KCNK9: variants seen among roughly 807,000 people sequenced by gnomAD.
KCNK9 encodes the protein potassium two pore domain channel subfamily K member 9, also known as potassium channel subfamily K member 9.
Under a neutral mutation model 10.8 loss-of-function variants are expected in KCNK9, and 1 was observed. The ratio of observed to expected loss-of-function variants is 0.09; its 90% CI spans 0.03 to 0.44. The LOEUF (loss-of-function observed/expected upper bound fraction) is 0.44, where lower values mean the gene tolerates loss of function less well. Among genes scored for constraint, KCNK9 ranks in the 20% least tolerant of loss-of-function variants. The pLI is 0.97. For missense variants in KCNK9, 303 were observed against 515.0 expected (o/e 0.59, Z 3.98); for synonymous variants, 231 against 222.7 (o/e 1.04, Z -0.33).
Position 139,682,064 on chromosome 8 carries a change from C to T in KCNK9, c.283+20646G>A, listed in dbSNP as rs573106711. Among the ~76,000 whole-genome samples, 5 of 152,326 alleles carry T rather than the reference C, an allele frequency of 3.3e-5. No individual in the cohort carries two copies. In the South Asian group the frequency reaches 6.2e-4, roughly 19 times the overall value. On this transcript the variant is annotated intron_variant, in intron 1 of 1. Coordinates refer to ENST00000520439, the MANE Select transcript of KCNK9 (RefSeq NM_001282534.2). ...CAGGCACCTCGGGCTGAGTGGGGAG[C>T]ACGAGGGGTGCAGGGAGAAGCCCGG...
intron 1 of KCNK9, among the ~76,000 whole-genome samples, chr8:139,632,410 G>A (rs564457653): frequency 2.8e-4 from 42 of 152,328 alleles, no homozygotes; most frequent in South Asian, 1.0e-3. Flanking sequence ...GGCCTCCCGC[G>A]TGGAAGGATG....
rs1034403668 is a variant in KCNK9, at chr8:139,702,082, G to C, written c.283+628C>G. ...TGCCACCCCCAACGCAAGCACCAGA[G>C]AGCAAACTCTCTCCTCCCAGGGGCC... On this transcript the variant is annotated intron_variant, in intron 1 of 1. Transcript: ENST00000520439. The surrounding 1 kb of genome is among the most constrained non-coding windows in gnomAD (Gnocchi z 7.5). 1.3e-5 allele frequency among the ~76,000 whole-genome samples: 2 copies of C among 152,196 alleles called. No homozygotes were observed. Among genetic ancestry groups the C allele is most frequent in the Non-Finnish European group, 2.9e-5 (2 of 68,038 alleles).
chr8:139,683,376 C>A (rs1281112879), intron 1 of KCNK9, among the ~76,000 whole-genome samples: 1 of 152,190 alleles, frequency 6.6e-6, no homozygotes, highest in Non-Finnish European at 1.5e-5. Flanking sequence ...TGCTCTCCTG[C>A]CAAAAGCATT....
At chr8:139,683,743 G>T (rs372880018) in intron 1 of KCNK9, among the ~76,000 whole-genome samples, 1 of 152,194 alleles carries the variant, frequency 6.6e-6, no homozygotes, top group Non-Finnish European at 1.5e-5. Context: ...CCACCAGAAG[G>T]TCCATTACTT....
intron 1 of KCNK9, among the ~76,000 whole-genome samples, chr8:139,651,945 T>C (rs1431873240): frequency 2.0e-5 from 3 of 152,040 alleles, no homozygotes; most frequent in Non-Finnish European, 4.4e-5. Context: ...GACTCACCCA[T>C]CACCATTTTT....
chr8:139,607,110 GT>G (rs1227077123), intron 2 of KCNK9, among the ~76,000 whole-genome samples: 2 of 152,184 alleles, frequency 1.3e-5, no homozygotes. Flanking sequence ...TTAATTGTGG[GT>G]TCTGCTTCAC....
intron 1 of KCNK9, among the ~76,000 whole-genome samples, chr8:139,640,851 C>T (rs750712153): frequency 1.1e-4 from 17 of 152,224 alleles, no homozygotes; most frequent in Non-Finnish European, 1.6e-4. Flanking sequence ...CGGTTGCAGA[C>T]GTCTTGAGCA....
chr8:139,699,314 C>T (rs896364911), intron 1 of KCNK9, among the ~76,000 whole-genome samples: 1 of 152,172 alleles, frequency 6.6e-6, no homozygotes, highest in Non-Finnish European at 1.5e-5. Context: ...CCCTTACACA[C>T]CATTTGGCCC....
Position 139,703,123 on chromosome 8 carries a change from C to A in KCNK9, c.-131G>T, listed in dbSNP as rs2129831989. 4.8e-6 allele frequency: 3 copies of A among 619,266 alleles called. No homozygotes were observed. The highest frequency in any genetic ancestry group is 6.8e-6 in the Non-Finnish European group (3 of 443,996). The allele number at this position is 619,266 out of a possible 1,614,324, so 38.4% of individuals were successfully genotyped here. A position where few individuals can be genotyped will look rare whatever the true frequency, so the allele number is the denominator to read the frequency against. On this transcript the variant is annotated 5_prime_UTR_variant, in exon 1 of 2. Coordinates refer to ENST00000520439, the MANE Select transcript of KCNK9 (RefSeq NM_001282534.2). This position sits in a 1 kb window ranked among gnomAD's most constrained non-coding sequence, Gnocchi z 6.4. Reference sequence around the variant, plus strand: ...GCCGCCGCCGCCTCCAAGTTGTAAGCGGCGGCGGCAGCAGCAGCAGCAGCA... The same window carrying A: ...GCCGCCGCCGCCTCCAAGTTGTAAGAGGCGGCGGCAGCAGCAGCAGCAGCA...
chr8:139,607,502 G>C (rs1397532643), intron 2 of KCNK9, among the ~76,000 whole-genome samples: 1 of 152,212 alleles, frequency 6.6e-6, no homozygotes, highest in African/African-American at 2.4e-5. Context: ...TGTCATCTGA[G>C]AGAAGTGGAA....
At chr8:139,688,674 G>C (rs545253443) in intron 1 of KCNK9, among the ~76,000 whole-genome samples, 1 of 152,318 alleles carries the variant, frequency 6.6e-6, no homozygotes, top group South Asian at 2.1e-4. Flanking sequence ...ACCATGGCAG[G>C]CTTCCAGCCT....
chr8:139,699,711 G>C (rs529212616), intron 1 of KCNK9, among the ~76,000 whole-genome samples: 2 of 152,350 alleles, frequency 1.3e-5, no homozygotes, highest in East Asian at 1.9e-4. Context: ...GAGAGCTGGG[G>C]TGAGACTCAG....
At chr8:139,642,910 A>G (rs1815550223) in intron 1 of KCNK9, among the ~76,000 whole-genome samples, 1 of 152,186 alleles carries the variant, frequency 6.6e-6, no homozygotes, top group Admixed American at 6.5e-5. Flanking sequence ...TGTTGGCAGA[A>G]CAAGATTGGG....
intron 2 of KCNK9, among the ~76,000 whole-genome samples, chr8:139,606,144 C>G (rs1458689123): frequency 6.6e-6 from 1 of 152,180 alleles, no homozygotes; most frequent in Non-Finnish European, 1.5e-5. Flanking sequence ...TCCCGCTCAC[C>G]AAGGGAGGAA....
chr8:139,664,441 C>T (rs1280808279), intron 1 of KCNK9, among the ~76,000 whole-genome samples: 2 of 148,968 alleles, frequency 1.3e-5, no homozygotes, highest in Admixed American at 6.7e-5. Context: ...TAGGCCTTAA[C>T]ATATCACTGC....
At chr8:139,678,274 T>A (rs966459273) in intron 1 of KCNK9, among the ~76,000 whole-genome samples, 1 of 152,158 alleles carries the variant, frequency 6.6e-6, no homozygotes, top group Non-Finnish European at 1.5e-5. Context: ...CGTGGAAGCG[T>A]CTTTCCTGAC....
chr8:139,672,341 G>A (rs1816448245), intron 1 of KCNK9, among the ~76,000 whole-genome samples: 1 of 152,156 alleles, frequency 6.6e-6, no homozygotes. Flanking sequence ...CTTCGTGGTG[G>A]CAGGCTAAGC....
At chr8:139,692,187 G>A (rs1012349063) in intron 1 of KCNK9, among the ~76,000 whole-genome samples, 17 of 152,360 alleles carry the variant, frequency 1.1e-4, no homozygotes, top group South Asian at 2.1e-4. Context: ...CTGTCAGCCC[G>A]TCTGCCTGCC....
At chr8:139,645,370 C>A (rs1274731767) in intron 1 of KCNK9, among the ~76,000 whole-genome samples, 1 of 152,248 alleles carries the variant, frequency 6.6e-6, no homozygotes, top group Non-Finnish European at 1.5e-5. Flanking sequence ...CCACCCATGC[C>A]TGCCCATGCC....
Sources: allele counts gnomAD v4.1 joint callset (sites outside exome capture counted in the v4.1 genomes callset), GRCh38; gene constraint gnomAD v4.1.1; non-coding constraint Gnocchi (gnomAD v3.1); transcripts MANE v1.5; gene names NCBI Gene and HGNC (gene_info 2026-07-23, HGNC 2026-07-21).